Variants in SLC18A1 observed in about 807,000 individuals in gnomAD.
SLC18A1 encodes the protein solute carrier family 18 member A1.
In SLC18A1, 69 loss-of-function variants were observed where a neutral mutation model predicts 53.7. That is an observed-to-expected ratio of 1.28 (90% confidence interval 1.06 to 1.57). The LOEUF is 1.57. Ranked by LOEUF, SLC18A1 falls within the 40% of genes most tolerant of loss-of-function variation. The probability of loss-of-function intolerance (pLI) is 0.00; values close to 1 mark genes in which losing one functional copy is unlikely to be tolerated. For synonymous variants in SLC18A1, 320 were observed against 248.1 expected, an observed-to-expected ratio of 1.29 and a Z score of -2.72; for missense variants, 932 against 668.1, an observed-to-expected ratio of 1.40 and a Z score of -4.35.
chr8:20,166,308 TATATATATATATATATATATATAC>T (rs776628414), intron 8 of SLC18A1, among the ~76,000 whole-genome samples: 16,526 of 120,846 alleles, frequency 0.14, 1,799 homozygotes, highest in Middle Eastern at 0.23. Flanking sequence ...TATATATATA[TATATATATATATATATATATATAC>T]ACCACCAGGT....
chr8:20,161,798 A>G lies in SLC18A1; in HGVS notation c.1015+3071T>C, dbSNP rs542739163. 7.0e-4 allele frequency among the ~76,000 whole-genome samples: 106 copies of G among 152,294 alleles called. 1 individual carries two copies. Among genetic ancestry groups the G allele is most frequent in the South Asian group, 8.3e-4 (4 of 4,830 alleles). Reference sequence around the variant, plus strand: ...ATGTCCAAAATCCTGGGCACACTGGAGTGGAGTTTGGACCCCTAAGGCATC... The same window carrying G: ...ATGTCCAAAATCCTGGGCACACTGGGGTGGAGTTTGGACCCCTAAGGCATC... On this transcript the variant is annotated intron_variant, in intron 10 of 15. Transcript: ENST00000276373.
chr8:20,147,118 G>T, intron 15 of SLC18A1, 140 bp downstream of exon 15: 1 of 861,112 alleles, frequency 1.2e-6, no homozygotes, highest in Non-Finnish European at 1.7e-6. Flanking sequence ...GATGAAAGGG[G>T]ATTGGGAAAC....
intron 11 of SLC18A1, among the ~76,000 whole-genome samples, chr8:20,149,977 C>T (rs1345344097): frequency 6.6e-6 from 1 of 152,152 alleles, no homozygotes. Context: ...CTCTTCCTTC[C>T]CTTACAGGAG....
intron 15 of SLC18A1, among the ~76,000 whole-genome samples, chr8:20,146,354 T>C (rs1204215094): frequency 6.6e-6 from 1 of 152,206 alleles, no homozygotes; most frequent in Admixed American, 6.5e-5. Context: ...GGGTACCTAG[T>C]ATATCAACCC....
intron 10 of SLC18A1, among the ~76,000 whole-genome samples, chr8:20,162,314 C>T (rs2071850759): frequency 6.6e-6 from 1 of 152,190 alleles, no homozygotes. Flanking sequence ...TAAGTGGTGC[C>T]TGGCTCACTT....
At chr8:20,153,503 C>A (rs2128869708) in intron 10 of SLC18A1, among the ~76,000 whole-genome samples, 1 of 152,166 alleles carries the variant, frequency 6.6e-6, no homozygotes, top group South Asian at 2.1e-4. Context: ...CAGTGAAACC[C>A]CATCTCTACT....
intron 12 of SLC18A1, among the ~76,000 whole-genome samples, 160 bp downstream of exon 12, chr8:20,149,516 T>A (rs1170325473): frequency 6.6e-6 from 1 of 151,934 alleles, no homozygotes; most frequent in Non-Finnish European, 1.5e-5. Flanking sequence ...CTGACAGTCC[T>A]TGCCAAGCCA....
chr8:20,178,918 A>C (rs558224730), intron 3 of SLC18A1, among the ~76,000 whole-genome samples: 79 of 152,316 alleles, frequency 5.2e-4, no homozygotes, highest in Non-Finnish European at 9.7e-4. Context: ...CTCAATACTC[A>C]ATATATCACT....
At position 20,173,133 on chromosome 8, in the gene SLC18A1, G is replaced by T. The variant is rs369956636; in HGVS notation, c.632-5C>A. 9.6e-6 allele frequency: 15 copies of T among 1,563,372 alleles called. No homozygotes were observed. Among genetic ancestry groups the T allele is most frequent in the African/African-American group, 2.7e-5 (2 of 73,574 alleles). On this transcript the variant is annotated splice_region_variant and splice_polypyrimidine_tract_variant and intron_variant, in intron 5 of 15. Transcript: ENST00000276373. ...CACTGGCCAGCATTCCAAGACCTGC[G>T]CAGAGAGTTACAGATGCAGCTGGCC...
chr8:20,171,459 C>T lies in SLC18A1; in HGVS notation c.760G>A (p.Val254Ile). ...APFGSVMYEF[V>I]GKSAPFLILA... ...ATGAGGAAGGGTGCAGACTTCCCAA[C>T]AAACTCGTACATTACACTTCCAAAG... The change falls in exon 7 of 16, where the codon GTT becomes ATT. Residue 254 changes from valine to isoleucine, a missense_variant. Val to Ile is a conservative substitution (Grantham distance 29). Coordinates refer to ENST00000276373, the MANE Select transcript of SLC18A1 (RefSeq NM_003053.4). The T allele has an allele frequency of 6.2e-7, 1 of 1,614,166 alleles. No individual in the cohort carries two copies.
chr8:20,147,754 C>T (rs764796192), intron 13 of SLC18A1, 32 bp from the exon 14 acceptor site: 2 of 1,606,526 alleles, frequency 1.2e-6, no homozygotes, highest in South Asian at 1.1e-5. Context: ...CACAGTCAGC[C>T]CCACCCACAG....
chr8:20,147,593 G>C lies in SLC18A1; in HGVS notation c.1330+10C>G. 1 of 1,613,968 alleles carries C rather than the reference G, an allele frequency of 6.2e-7. No individual in the cohort carries two copies. The highest frequency in any genetic ancestry group is 8.5e-7 in the Non-Finnish European group (1 of 1,179,892). On this transcript the variant is annotated intron_variant, in intron 14 of 15. Coordinates refer to ENST00000276373, the MANE Select transcript of SLC18A1 (RefSeq NM_003053.4). Reference sequence around the variant, plus strand: ...AGGGGAAAGTGGGGCACCAGGTCCTGCCAACATACCTATAGCAAAGCCCAT... The same window carrying C: ...AGGGGAAAGTGGGGCACCAGGTCCTCCCAACATACCTATAGCAAAGCCCAT...
rs199640514 is a variant in SLC18A1 at position 20,178,116 on chromosome 8, CAT to C, written c.547+317_547+318del. Among the ~76,000 whole-genome samples the C allele has an allele frequency of 2.5e-3, 199 of 80,532 alleles. 2 individuals carry two copies. In the East Asian group the frequency reaches 0.063, roughly 26 times the overall value. The allele number at this position is 80,532 out of a possible 152,430, so 52.8% of individuals were successfully genotyped here. On this transcript the variant is annotated intron_variant, in intron 4 of 15. Coordinates refer to ENST00000276373, the MANE Select transcript of SLC18A1 (RefSeq NM_003053.4). ...AAACTTGCTCAAGGGATTACTGATG[CAT>C]ATAACACACACACACACACACACAC...
At chr8:20,152,028 C>T (rs931976081) in intron 10 of SLC18A1, among the ~76,000 whole-genome samples, 7 of 152,174 alleles carry the variant, frequency 4.6e-5, no homozygotes, top group African/African-American at 7.2e-5. Flanking sequence ...AGCAGAGCAA[C>T]TCAGAAGGGC....
At chr8:20,149,602 C>G in intron 12 of SLC18A1, 74 bp downstream of exon 12, 4 of 1,192,234 alleles carry the variant, frequency 3.4e-6, no homozygotes, top group Non-Finnish European at 4.9e-6. Flanking sequence ...CTCTCTCTCT[C>G]TCTCTCTCTC....
chr8:20,176,879 G>T (rs920101625), intron 4 of SLC18A1, among the ~76,000 whole-genome samples: 2 of 152,116 alleles, frequency 1.3e-5, no homozygotes, highest in Non-Finnish European at 2.9e-5. Context: ...ATCAGGCAAG[G>T]ATATCATGCT....
chr8:20,182,331 G>A (rs1034513520), intron 1 of SLC18A1, among the ~76,000 whole-genome samples: 4 of 128,840 alleles, frequency 3.1e-5, no homozygotes, highest in Admixed American at 7.8e-5. Flanking sequence ...ATTATTAAGC[G>A]GCTCTTAAAA....
chr8:20,169,060 G>C (rs776246978), intron 8 of SLC18A1, among the ~76,000 whole-genome samples: 1 of 152,108 alleles, frequency 6.6e-6, no homozygotes, highest in South Asian at 2.1e-4. Context: ...TACTACACAA[G>C]AGACCCAGAC....
Position 20,145,733 on chromosome 8 carries a change from C to A in SLC18A1, c.*30G>T. 1.4e-6 allele frequency: 2 copies of A among 1,413,646 alleles called. No individual in the cohort carries two copies. Among genetic ancestry groups the A allele is most frequent in the South Asian group, 1.2e-5 (1 of 82,870 alleles). 87.6% of individuals were successfully genotyped at this position (1,413,646 alleles called of 1,614,324 possible). ...CCAGGGAAAGAGGTGGTCACTGAGGCATCATGAATTCAAGGAGCACCTTCT... is the reference window on the plus strand; with the variant it reads ...CCAGGGAAAGAGGTGGTCACTGAGGAATCATGAATTCAAGGAGCACCTTCT... On this transcript the variant is annotated 3_prime_UTR_variant, in exon 16 of 16. Coordinates refer to ENST00000276373, the MANE Select transcript of SLC18A1 (RefSeq NM_003053.4).
Sources: gnomAD v4.1 joint callset for allele counts (sites outside exome capture counted in the v4.1 genomes callset) on GRCh38, gnomAD v4.1.1 for gene constraint, MANE v1.5 for transcripts, NCBI Gene and HGNC (gene_info 2026-07-23, HGNC 2026-07-21) for gene names.